The following SPMAP2L variants were observed in gnomAD, a reference collection of about 807,000 sequenced individuals.
SPMAP2L encodes sperm microtubule associated protein 2 like, also known as sperm microtubule associated protein 2-like.
chr4:56,618,658 A>T, the SPMAP2L span, among the ~76,000 whole-genome samples: 4,796 of 152,266 alleles, frequency 0.031, 159 homozygotes, highest in African/African-American at 0.081. Flanking sequence ...ATTACCTCCC[A>T]CTTGGTCCCT....
chr4:56,539,207 G>T, the SPMAP2L span, among the ~76,000 whole-genome samples: 2 of 148,804 alleles, frequency 1.3e-5, no homozygotes, highest in Admixed American at 6.7e-5. Flanking sequence ...GAACTTTATT[G>T]AGCGCATACT....
the SPMAP2L span, among the ~76,000 whole-genome samples, chr4:56,573,809 G>A: frequency 6.6e-6 from 1 of 152,096 alleles, no homozygotes; most frequent in East Asian, 1.9e-4. Flanking sequence ...GTGTGGTGGT[G>A]TAGACAGGCC....
At chr4:56,593,771 A>G in the SPMAP2L span, 1 of 1,581,286 alleles carries the variant, frequency 6.3e-7, no homozygotes, top group East Asian at 2.2e-5. Flanking sequence ...GGAGCAACAC[A>G]CTGAGAGAGA....
the SPMAP2L span, among the ~76,000 whole-genome samples, chr4:56,534,083 T>C: frequency 6.6e-6 from 1 of 152,176 alleles, no homozygotes; most frequent in Non-Finnish European, 1.5e-5. Context: ...GGTACCATGA[T>C]TTCTTTGCTC....
At chr4:56,580,780 T>TC in the SPMAP2L span, among the ~76,000 whole-genome samples, 1 of 152,114 alleles carries the variant, frequency 6.6e-6, no homozygotes, top group African/African-American at 2.4e-5. Flanking sequence ...ATAAATTAGT[T>TC]CAAGAAGGTG....
the SPMAP2L span, among the ~76,000 whole-genome samples, chr4:56,561,216 C>T: frequency 0.95 from 145,236 of 152,318 alleles, 69,328 homozygotes; most frequent in Middle Eastern, 0.97. Context: ...AACACAAGAA[C>T]GCCAGTTGTA....
the SPMAP2L span, among the ~76,000 whole-genome samples, chr4:56,557,475 G>C: frequency 6.6e-6 from 1 of 152,118 alleles, no homozygotes; most frequent in Non-Finnish European, 1.5e-5. Flanking sequence ...AATTCAAAAA[G>C]TACATAAAGC....
the SPMAP2L span, among the ~76,000 whole-genome samples, chr4:56,544,703 A>T: frequency 6.6e-6 from 1 of 152,110 alleles, no homozygotes; most frequent in Non-Finnish European, 1.5e-5. Flanking sequence ...GCCGCTGCCA[A>T]CCTGCGCCCC....
At chr4:56,568,704 G>C in the SPMAP2L span, among the ~76,000 whole-genome samples, 1 of 152,138 alleles carries the variant, frequency 6.6e-6, no homozygotes, top group Non-Finnish European at 1.5e-5. Flanking sequence ...GTATAAATTA[G>C]AGTTTGGTAG....
At chr4:56,612,451 C>A in the SPMAP2L span, among the ~76,000 whole-genome samples, 1 of 152,172 alleles carries the variant, frequency 6.6e-6, no homozygotes, top group Admixed American at 6.5e-5. Context: ...AAGCGATTCT[C>A]GTGCCTCAGT....
At chr4:56,575,771 A>G in the SPMAP2L span, 1 of 868,528 alleles carries the variant, frequency 1.2e-6, no homozygotes. Flanking sequence ...GCATCAGGTA[A>G]AAAATCAAAT....
At chr4:56,552,715 G>A in the SPMAP2L span, 1 of 701,334 alleles carries the variant, frequency 1.4e-6, no homozygotes, top group Non-Finnish European at 2.5e-6. Context: ...TAGATCCTCT[G>A]AACCAATATT....
the SPMAP2L span, among the ~76,000 whole-genome samples, chr4:56,613,213 G>C: frequency 2.0e-5 from 3 of 152,146 alleles, no homozygotes; most frequent in Non-Finnish European, 4.4e-5. Flanking sequence ...TTCTGTTATA[G>C]TTTGCGTTGC....
chr4:56,616,141 A>G, the SPMAP2L span, among the ~76,000 whole-genome samples: 6 of 152,112 alleles, frequency 3.9e-5, no homozygotes, highest in Non-Finnish European at 8.8e-5. Flanking sequence ...ACAGACATTT[A>G]TGACCTCACA....
the SPMAP2L span, among the ~76,000 whole-genome samples, chr4:56,568,277 T>A: frequency 2.6e-5 from 4 of 152,230 alleles, no homozygotes; most frequent in African/African-American, 9.6e-5. Context: ...TGAGTCTGTT[T>A]CTAATGATTG....
chr4:56,600,596 A>G, the SPMAP2L span, among the ~76,000 whole-genome samples: 1 of 152,134 alleles, frequency 6.6e-6, no homozygotes, highest in Non-Finnish European at 1.5e-5. Context: ...CCAGCCCAGC[A>G]TGGGTTTAAA....
At chr4:56,622,185 A>G in the SPMAP2L span, among the ~76,000 whole-genome samples, 1 of 152,260 alleles carries the variant, frequency 6.6e-6, no homozygotes. Context: ...ATTTTTTTAC[A>G]AAAATAAATT....
the SPMAP2L span, among the ~76,000 whole-genome samples, chr4:56,564,371 C>T: frequency 6.6e-6 from 1 of 152,138 alleles, no homozygotes; most frequent in African/African-American, 2.4e-5. Context: ...AACTCCTGAC[C>T]TCAAGTGATC....
At chr4:56,605,813 A>G in the SPMAP2L span, among the ~76,000 whole-genome samples, 10 of 152,236 alleles carry the variant, frequency 6.6e-5, no homozygotes, top group African/African-American at 2.4e-4. Context: ...TCCAAGAGAT[A>G]ACAACATAAA....
Sources: gnomAD v4.1 joint callset for allele counts (sites outside exome capture counted in the v4.1 genomes callset) on GRCh38, gnomAD v4.1.1 for gene constraint, MANE v1.5 for transcripts, NCBI Gene and HGNC (gene_info 2026-07-23, HGNC 2026-07-21) for gene names.